Variants in GLIS3 observed in about 807,000 individuals in gnomAD.
The protein encoded by GLIS3 is zinc finger protein GLIS3.
A neutral mutation model predicts 78.6 loss-of-function variants in GLIS3; 53 were observed. The ratio of observed to expected loss-of-function variants is 0.67; its 90% CI spans 0.54 to 0.85. The LOEUF (loss-of-function observed/expected upper bound fraction) is 0.85, where lower values mean the gene tolerates loss of function less well. Ranked by LOEUF, GLIS3 falls within the 40% of genes least tolerant of loss-of-function variation. The probability of loss-of-function intolerance (pLI) is 0.00; values close to 1 mark genes in which losing one functional copy is unlikely to be tolerated. For missense variants in GLIS3, 1,703 were observed against 1,231.1 expected, an observed-to-expected ratio of 1.38 and a Z score of -5.74; for synonymous variants, 684 against 509.9, an observed-to-expected ratio of 1.34 and a Z score of -4.60.
chr9:3,879,604 A>G lies in GLIS3; in HGVS notation c.2129-9T>C, dbSNP rs1821593610. 6.2e-7 allele frequency: 1 copy of G among 1,613,922 alleles called. No individual in the cohort carries two copies. The highest frequency in any genetic ancestry group is 8.5e-7 in the Non-Finnish European group (1 of 1,179,896). Reference sequence around the variant, plus strand: ...GCTGGAGAAAATGGGAGCTGAAATCAAGGGAGAACAAACATGAGACCGTGC... The same window carrying G: ...GCTGGAGAAAATGGGAGCTGAAATCGAGGGAGAACAAACATGAGACCGTGC... On this transcript the variant is annotated splice_polypyrimidine_tract_variant and intron_variant, in intron 7 of 10. Transcript: ENST00000381971.
At chr9:3,834,478 G>C (rs1033976463) in intron 9 of GLIS3, among the ~76,000 whole-genome samples, 2 of 151,978 alleles carry the variant, frequency 1.3e-5, no homozygotes, top group African/African-American at 4.8e-5. Flanking sequence ...AAATTTTATT[G>C]AATTTTAATT....
intron 4 of GLIS3, among the ~76,000 whole-genome samples, chr9:4,105,790 C>T (rs1033753512): frequency 6.6e-6 from 1 of 152,098 alleles, no homozygotes; most frequent in Non-Finnish European, 1.5e-5. Context: ...CACCATAAAG[C>T]CTCATTCTAT....
the GLIS3 span, among the ~76,000 whole-genome samples, chr9:4,446,640 G>T: frequency 2.7e-5 from 4 of 148,952 alleles, no homozygotes; most frequent in African/African-American, 9.9e-5. Context: ...CTCCTAAGTA[G>T]TTGGGATTAC....
chr9:4,198,805 G>A (rs1179823910), intron 2 of GLIS3, among the ~76,000 whole-genome samples: 1 of 152,150 alleles, frequency 6.6e-6, no homozygotes, highest in Non-Finnish European at 1.5e-5. Context: ...CTTGAAGACA[G>A]CTAGAGAAAA....
intron 4 of GLIS3, among the ~76,000 whole-genome samples, chr9:3,943,531 G>C (rs181934637): frequency 2.6e-5 from 4 of 152,336 alleles, no homozygotes; most frequent in Admixed American, 1.3e-4. Context: ...GTTCTACCCA[G>C]AGTAATAACA....
intron 4 of GLIS3, among the ~76,000 whole-genome samples, chr9:4,025,803 CAT>C (rs1823287672): frequency 6.6e-6 from 1 of 152,028 alleles, no homozygotes; most frequent in Admixed American, 6.6e-5. Context: ...AGAAAATATT[CAT>C]AAGAATTCAG....
the GLIS3 span, among the ~76,000 whole-genome samples, chr9:4,415,997 G>A: frequency 6.7e-6 from 1 of 150,162 alleles, no homozygotes; most frequent in Non-Finnish European, 1.5e-5. Flanking sequence ...TATATACATT[G>A]TTTATATATG....
the GLIS3 span, among the ~76,000 whole-genome samples, chr9:4,371,523 G>C: frequency 1.9e-4 from 29 of 152,298 alleles, no homozygotes; most frequent in East Asian, 5.0e-3. Flanking sequence ...CAGCAGTTCA[G>C]ATGGTTTTCG....
At chr9:4,110,781 A>G (rs1314531920) in intron 4 of GLIS3, among the ~76,000 whole-genome samples, 2 of 152,220 alleles carry the variant, frequency 1.3e-5, no homozygotes, top group Non-Finnish European at 2.9e-5. Context: ...TACAGTAGAA[A>G]CTAATAAATC....
chr9:4,148,530 A>G (rs975409170), intron 2 of GLIS3, among the ~76,000 whole-genome samples: 3 of 152,068 alleles, frequency 2.0e-5, no homozygotes, highest in African/African-American at 7.2e-5. Context: ...CTGTGGATCA[A>G]TTCTACCTCA....
the GLIS3 span, among the ~76,000 whole-genome samples, chr9:4,441,267 C>T: frequency 6.6e-6 from 1 of 152,110 alleles, no homozygotes; most frequent in African/African-American, 2.4e-5. Context: ...TTTTCTTATT[C>T]AATATGATGT....
At chr9:4,408,887 A>G in the GLIS3 span, among the ~76,000 whole-genome samples, 4 of 152,064 alleles carry the variant, frequency 2.6e-5, no homozygotes, top group Non-Finnish European at 5.9e-5. Context: ...GAGGAGATGG[A>G]TACCCAGTTT....
upstream of GLIS3, among the ~76,000 whole-genome samples, chr9:4,303,689 T>C (rs1010978925): frequency 6.6e-6 from 1 of 152,232 alleles, no homozygotes; most frequent in Non-Finnish European, 1.5e-5. Context: ...TTTCACTCCA[T>C]ACAATATCTC....
chr9:3,892,665 A>G (rs1822541352), intron 7 of GLIS3, among the ~76,000 whole-genome samples: 1 of 151,952 alleles, frequency 6.6e-6, no homozygotes, highest in African/African-American at 2.4e-5. Flanking sequence ...CACCCTGAAT[A>G]GGAACAGTTT....
intron 2 of GLIS3, among the ~76,000 whole-genome samples, chr9:4,174,112 G>C (rs928809089): frequency 2.6e-5 from 4 of 152,166 alleles, no homozygotes; most frequent in Non-Finnish European, 2.9e-5. Context: ...TTGCAGCAGA[G>C]ACCTCACTCT....
chr9:4,468,029 A>G, the GLIS3 span, among the ~76,000 whole-genome samples: 2 of 152,224 alleles, frequency 1.3e-5, no homozygotes, highest in South Asian at 4.1e-4. Context: ...AAGTGGAAGA[A>G]AGGTTATCAG....
intron 4 of GLIS3, among the ~76,000 whole-genome samples, chr9:4,036,180 C>G (rs911142836): frequency 1.3e-5 from 2 of 152,168 alleles, no homozygotes; most frequent in Admixed American, 6.6e-5. Flanking sequence ...AACTCCTCAC[C>G]AGCAACAAAA....
chr9:3,931,841 C>G (rs1825640517), intron 6 of GLIS3, among the ~76,000 whole-genome samples: 1 of 152,184 alleles, frequency 6.6e-6, no homozygotes, highest in Admixed American at 6.5e-5. Context: ...GATTTTCATA[C>G]AAATCCAGAA....
chr9:4,460,044 A>G, the GLIS3 span, among the ~76,000 whole-genome samples: 1 of 152,138 alleles, frequency 6.6e-6, no homozygotes, highest in Non-Finnish European at 1.5e-5. Context: ...TGTCCATTCC[A>G]ATCTTTAAAA....
Sources: gnomAD v4.1 joint callset for allele counts (sites outside exome capture counted in the v4.1 genomes callset) on GRCh38, gnomAD v4.1.1 for gene constraint, MANE v1.5 for transcripts, NCBI Gene and HGNC (gene_info 2026-07-23, HGNC 2026-07-21) for gene names.